Variants in EPHA5 observed in about 807,000 individuals in gnomAD.
The protein encoded by EPHA5 is ephrin type-A receptor 5.
EPHA5 carries 60 observed loss-of-function variants against 105.0 expected under a neutral mutation model. The observed-to-expected ratio is 0.57, with a 90% confidence interval of 0.46 to 0.71. The LOEUF (loss-of-function observed/expected upper bound fraction) is 0.71. Ranked by LOEUF, EPHA5 falls within the 30% of genes least tolerant of loss-of-function variation. The pLI is 0.00. For missense variants in EPHA5, 1,218 were observed against 1,274.7 expected (o/e 0.96, Z 0.68); for synonymous variants, 513 against 449.1 (o/e 1.14, Z -1.80).
intron 1 of EPHA5, among the ~76,000 whole-genome samples, chr4:65,651,327 A>C (rs1748590355): frequency 6.6e-6 from 1 of 152,164 alleles, no homozygotes; most frequent in Admixed American, 6.5e-5. Context: ...GGGAAAAATC[A>C]ATGTTGTTGC....
chr4:65,387,152 C>T (rs866229738), intron 8 of EPHA5, among the ~76,000 whole-genome samples: 2 of 151,712 alleles, frequency 1.3e-5, no homozygotes, highest in South Asian at 2.1e-4. Flanking sequence ...GGGGGTTGGG[C>T]GGTAAGTGGA....
chr4:65,331,668 A>C, intron 16 of EPHA5: 1 of 1,118,998 alleles, frequency 8.9e-7, no homozygotes, highest in Non-Finnish European at 1.1e-6. Context: ...TACCAGTATA[A>C]AAAAACTTGT....
rs1211366293 is a variant in EPHA5, at chr4:65,475,664, T to C, written c.1402+14713A>G. On this transcript the variant is annotated intron_variant, in intron 5 of 16. Transcript: ENST00000613740. ...TTTTAACAAATAAATTCATAGCATGTATGCCAATGAGAAGAATGATTGAAC... is the reference window on the plus strand; with the variant it reads ...TTTTAACAAATAAATTCATAGCATGCATGCCAATGAGAAGAATGATTGAAC... 2.6e-5 allele frequency among the ~76,000 whole-genome samples: 4 copies of C among 152,300 alleles called. No individual in the cohort carries two copies. The East Asian group carries it at 5.8e-4, about 22-fold the overall frequency.
chr4:65,552,807 C>A (rs1738049152), intron 3 of EPHA5, among the ~76,000 whole-genome samples: 1 of 152,044 alleles, frequency 6.6e-6, no homozygotes, highest in African/African-American at 2.4e-5. Flanking sequence ...AAAGCCCAAA[C>A]CAATTTTATT....
chr4:65,599,791 T>C (rs745570773), intron 3 of EPHA5, among the ~76,000 whole-genome samples: 7 of 152,190 alleles, frequency 4.6e-5, no homozygotes, highest in Non-Finnish European at 8.8e-5. Flanking sequence ...ATTAAGAGAA[T>C]AACATGAGAA....
chr4:65,419,926 C>G (rs949747568), intron 6 of EPHA5, among the ~76,000 whole-genome samples: 1 of 152,088 alleles, frequency 6.6e-6, no homozygotes, highest in Non-Finnish European at 1.5e-5. Context: ...ATATAGGGAA[C>G]GTGATGCATA....
At position 65,495,456 on chromosome 4, in the gene EPHA5, G is replaced by A. The variant is rs2149225974; in HGVS notation, c.998C>T (p.Ser333Leu). The stretch of plus-strand genomic sequence containing the variant: ...ATCCTTTTCACAGACACAAGAGGTT[G>A]AAGCTTCCTCATGGGTATAACTGTG... ...PPHSYTHEEA[S>L]TSCVCEKDYF... The change falls in exon 4 of 17, where the codon TCA (serine) becomes TTA (leucine). Residue 333 changes from serine to leucine, a missense_variant. Transcript: ENST00000613740. 1 of 1,613,926 alleles carries A rather than the reference G, an allele frequency of 6.2e-7. No homozygotes were observed. Among genetic ancestry groups the A allele is most frequent in the Non-Finnish European group, 8.5e-7 (1 of 1,179,880 alleles).
intron 3 of EPHA5, among the ~76,000 whole-genome samples, chr4:65,510,932 G>T (rs919377980): frequency 6.6e-6 from 1 of 152,164 alleles, no homozygotes; most frequent in Non-Finnish European, 1.5e-5. Context: ...TAGGTCATGA[G>T]AGTGGGCTCT....
chr4:65,563,905 G>A (rs542333983), intron 3 of EPHA5, among the ~76,000 whole-genome samples: 1 of 151,778 alleles, frequency 6.6e-6, no homozygotes, highest in Non-Finnish European at 1.5e-5. Flanking sequence ...AAATATCAAA[G>A]GCTAATAAAT....
chr4:65,532,284 G>A (rs1301431669), intron 3 of EPHA5, among the ~76,000 whole-genome samples: 1 of 151,986 alleles, frequency 6.6e-6, no homozygotes, highest in Non-Finnish European at 1.5e-5. Context: ...CTCCCATGAA[G>A]TAATGAAAGC....
At chr4:65,367,235 T>TAAA in intron 9 of EPHA5, 122 bp downstream of exon 9, 4 of 845,858 alleles carry the variant, frequency 4.7e-6, no homozygotes, top group Admixed American at 2.8e-5. Flanking sequence ...TAGAACACTT[T>TAAA]TAAAAAAAAA....
In EPHA5 at chr4:65,665,618, G is replaced by T. The variant is rs1392266664; in HGVS notation, c.181+3944C>A. On this transcript the variant is annotated intron_variant, in intron 1 of 16. Coordinates refer to ENST00000613740, the MANE Select transcript of EPHA5 (RefSeq NM_001281766.3). ...GAATAAAGAGCCAACAGTATTTCCA[G>T]ATGACAATATTACAAGAAGAATATT... Among the ~76,000 whole-genome samples, 4 of 152,168 alleles carry T rather than the reference G, an allele frequency of 2.6e-5. No homozygotes were observed. The South Asian group carries it at 8.3e-4, about 32-fold the overall frequency.
chr4:65,561,916 C>A (rs759108910), intron 3 of EPHA5, among the ~76,000 whole-genome samples: 1 of 151,978 alleles, frequency 6.6e-6, no homozygotes, highest in Non-Finnish European at 1.5e-5. Flanking sequence ...TGTCTAGACT[C>A]GCATTGAGGT....
At chr4:65,458,693 T>A (rs1306578774) in intron 5 of EPHA5, among the ~76,000 whole-genome samples, 7 of 152,272 alleles carry the variant, frequency 4.6e-5, no homozygotes, top group African/African-American at 1.7e-4. Flanking sequence ...TTCATTTCTA[T>A]TTTTCAAGTA....
At chr4:65,403,826 G>T (rs1467187213) in intron 8 of EPHA5, among the ~76,000 whole-genome samples, 2 of 152,008 alleles carry the variant, frequency 1.3e-5, no homozygotes, top group Non-Finnish European at 2.9e-5. Context: ...TATATATCAT[G>T]ATTGAAGTAT....
intron 3 of EPHA5, among the ~76,000 whole-genome samples, chr4:65,567,884 C>T (rs1739717026): frequency 6.6e-6 from 1 of 151,448 alleles, no homozygotes; most frequent in Admixed American, 6.6e-5. Flanking sequence ...TCTGATCCTC[C>T]TGTTTAAAAT....
At position 65,575,995 on chromosome 4, in the gene EPHA5, AG is replaced by A. The variant is rs1324935607; in HGVS notation, c.910+25645del. On this transcript the variant is annotated intron_variant, in intron 3 of 16. Transcript: ENST00000613740. ...CATCAAAAAAGAAAGAGAGAGAGAG[AG>A]AGAGAGAAAGAAAGAAAGAAAGAAA... Among the ~76,000 whole-genome samples the A allele has an allele frequency of 2.4e-3, 242 of 100,956 alleles. 7 individuals are homozygous for A. Among genetic ancestry groups the A allele is most frequent in the African/African-American group, 8.5e-3 (211 of 24,836 alleles). The allele number at this position is 100,956 out of a possible 152,430, so 66.2% of individuals were successfully genotyped here.
intron 1 of EPHA5, among the ~76,000 whole-genome samples, chr4:65,652,096 AG>A (rs1316317123): frequency 2.0e-5 from 3 of 152,198 alleles, no homozygotes; most frequent in African/African-American, 7.2e-5. Flanking sequence ...TGATATAAGA[AG>A]CTTGAAAATC....
At chr4:65,325,817 C>T (rs1300907135) in intron 16 of EPHA5, among the ~76,000 whole-genome samples, 3 of 150,940 alleles carry the variant, frequency 2.0e-5, no homozygotes, top group African/African-American at 7.3e-5. Context: ...AATTCTTTGG[C>T]TGGATAATTC....
Sources: allele counts gnomAD v4.1 joint callset (sites outside exome capture counted in the v4.1 genomes callset), GRCh38; gene constraint gnomAD v4.1.1; transcripts MANE v1.5; gene names NCBI Gene and HGNC (gene_info 2026-07-23, HGNC 2026-07-21).